The following PDE10A variants were observed in gnomAD, a reference collection of about 807,000 sequenced individuals.
PDE10A encodes the protein phosphodiesterase 10A, also known as cAMP and cAMP-inhibited cGMP 3',5'-cyclic phosphodiesterase 10A.
In PDE10A, 39 loss-of-function variants were observed where a neutral mutation model predicts 97.7. The observed-to-expected ratio is 0.40, with a 90% CI of 0.31 to 0.52. PDE10A has a LOEUF of 0.52. PDE10A is among the 20% of genes least tolerant of loss of function. The pLI is 0.56. For missense variants in PDE10A, 731 were observed against 1,047.8 expected (o/e 0.70, Z 4.17); for synonymous variants, 371 against 376.8 (o/e 0.98, Z 0.18).
At chr6:165,353,222 T>C (rs999421105) in intron 18 of PDE10A, among the ~76,000 whole-genome samples, 1 of 152,206 alleles carries the variant, frequency 6.6e-6, no homozygotes, top group Non-Finnish European at 1.5e-5. Context: ...GGAATTCTCA[T>C]TCATTGCTGG....
chr6:165,454,225 G>A (rs531308321), intron 3 of PDE10A, among the ~76,000 whole-genome samples: 2 of 152,310 alleles, frequency 1.3e-5, no homozygotes, highest in East Asian at 1.9e-4. Flanking sequence ...CAAAGCTGAA[G>A]AAGGTTTGTT....
chr6:165,403,781 A>T (rs187777568), intron 13 of PDE10A, among the ~76,000 whole-genome samples: 1 of 152,294 alleles, frequency 6.6e-6, no homozygotes, highest in East Asian at 1.9e-4. Context: ...CTACACTGTC[A>T]TGAGATCTAC....
At chr6:165,885,810 G>A (rs183751014) in intron 1 of PDE10A, among the ~76,000 whole-genome samples, 87 of 152,290 alleles carry the variant, frequency 5.7e-4, no homozygotes, top group African/African-American at 2.0e-3. Context: ...CTGCACATCC[G>A]GCATATGTGT....
At chr6:165,423,076 C>T (rs1788839000) in intron 10 of PDE10A, among the ~76,000 whole-genome samples, 1 of 152,074 alleles carries the variant, frequency 6.6e-6, no homozygotes, top group African/African-American at 2.4e-5. Flanking sequence ...AGGGCTATTG[C>T]TGCCATCATG....
chr6:165,887,835 G>A (rs1781669924), intron 1 of PDE10A, among the ~76,000 whole-genome samples: 1 of 152,194 alleles, frequency 6.6e-6, no homozygotes, highest in Non-Finnish European at 1.5e-5. Context: ...ATGGGAGCCA[G>A]AGTGATCATT....
chr6:165,788,571 A>G (rs915864236), intron 1 of PDE10A, among the ~76,000 whole-genome samples: 1 of 150,964 alleles, frequency 6.6e-6, no homozygotes. Flanking sequence ...AAAAAAGAGT[A>G]TACTTCTTTC....
intron 1 of PDE10A, among the ~76,000 whole-genome samples, chr6:165,977,138 C>G (rs746380836): frequency 6.6e-6 from 1 of 152,156 alleles, no homozygotes; most frequent in Non-Finnish European, 1.5e-5. Context: ...ACAGTTAGTC[C>G]AGGCCAGCCC....
intron 3 of PDE10A, among the ~76,000 whole-genome samples, chr6:165,473,226 T>C (rs530530911): frequency 6.6e-6 from 1 of 152,326 alleles, no homozygotes; most frequent in South Asian, 2.1e-4. Context: ...ATTGTAATTA[T>C]TACCAAGTAA....
At chr6:165,964,086 T>C (rs1784437185) in intron 1 of PDE10A, among the ~76,000 whole-genome samples, 1 of 152,266 alleles carries the variant, frequency 6.6e-6, no homozygotes, top group Non-Finnish European at 1.5e-5. Flanking sequence ...TTATTTTCTC[T>C]CTTTTATTGC....
intron 1 of PDE10A, among the ~76,000 whole-genome samples, chr6:165,692,099 T>G (rs1450094639): frequency 6.6e-6 from 1 of 152,172 alleles, no homozygotes; most frequent in African/African-American, 2.4e-5. Flanking sequence ...ACAGGGTTAA[T>G]CCTCAAATAT....
intron 3 of PDE10A, among the ~76,000 whole-genome samples, chr6:165,462,318 T>G (rs2128260321): frequency 6.6e-6 from 1 of 152,348 alleles, no homozygotes; most frequent in African/African-American, 2.4e-5. Context: ...TTTAAATTTT[T>G]TGAGCCTGTC....
intron 1 of PDE10A, among the ~76,000 whole-genome samples, chr6:165,755,860 G>A (rs1002936367): frequency 3.3e-5 from 5 of 152,176 alleles, no homozygotes; most frequent in Admixed American, 3.3e-4. Context: ...AAGAGAAGTA[G>A]CAGGAAAATG....
chr6:165,656,565 C>A (rs115793298), intron 1 of PDE10A, among the ~76,000 whole-genome samples: 1 of 151,960 alleles, frequency 6.6e-6, no homozygotes, highest in Admixed American at 6.6e-5. Flanking sequence ...TCTATACACT[C>A]GTCTGAGGGG....
rs927944768 is a variant in PDE10A, at chr6:165,733,847, T to G, written c.-614-190279A>C. ...CTATAAAGTTATTGTATAGGGACAC[T>G]GTAAAGTGACAATCTGGTCTAGGAA... On this transcript the variant is annotated intron_variant, in intron 1 of 19. Transcript: ENST00000366882. Among the ~76,000 whole-genome samples the G allele has an allele frequency of 2.7e-5, 4 of 148,750 alleles. No individual in the cohort carries two copies. In the South Asian group the frequency reaches 8.7e-4, roughly 32 times the overall value.
At chr6:165,805,359 C>G (rs1359804333) in intron 1 of PDE10A, among the ~76,000 whole-genome samples, 1 of 152,122 alleles carries the variant, frequency 6.6e-6, no homozygotes, top group Non-Finnish European at 1.5e-5. Flanking sequence ...CCCAGGGCCC[C>G]GGAGGGAGGC....
intron 17 of PDE10A, among the ~76,000 whole-genome samples, chr6:165,383,864 C>A (rs1785083558): frequency 6.6e-6 from 1 of 152,138 alleles, no homozygotes; most frequent in Admixed American, 6.5e-5. Context: ...TGGGGATACA[C>A]TCAAAGAATT....
intron 1 of PDE10A, among the ~76,000 whole-genome samples, chr6:165,568,773 G>C (rs568000919): frequency 6.6e-6 from 1 of 152,194 alleles, no homozygotes; most frequent in African/African-American, 2.4e-5. Flanking sequence ...ACAAAGGTAT[G>C]CTGAGCTTGC....
At chr6:165,961,933 C>T (rs150808308) in intron 1 of PDE10A, among the ~76,000 whole-genome samples, 2 of 152,212 alleles carry the variant, frequency 1.3e-5, no homozygotes, top group African/African-American at 4.8e-5. Context: ...CACCAACTGG[C>T]GTGACTTTTG....
Position 165,401,277 on chromosome 6 carries a change from A to T in PDE10A, c.2077-4818T>A, listed in dbSNP as rs1407568181. 2.0e-5 allele frequency among the ~76,000 whole-genome samples: 3 copies of T among 152,240 alleles called. 1 individual carries two copies. The highest frequency in any genetic ancestry group is 4.4e-5 in the Non-Finnish European group (3 of 68,044). ...AATTTCAGCAAAAAAGTCACGTGAC[A>T]ATGAAAATACTGGCAAAGATCTGTT... On this transcript the variant is annotated intron_variant, in intron 13 of 21. Coordinates refer to ENST00000539869, the MANE Select transcript of PDE10A (RefSeq NM_001385079.1).
Sources: gnomAD v4.1 joint callset for allele counts (sites outside exome capture counted in the v4.1 genomes callset) on GRCh38, gnomAD v4.1.1 for gene constraint, MANE v1.5 for transcripts, NCBI Gene and HGNC (gene_info 2026-07-23, HGNC 2026-07-21) for gene names.